The following C2orf81 variants were observed in gnomAD, a reference collection of about 807,000 sequenced individuals.
The protein encoded by C2orf81 is chromosome 2 open reading frame 81.
C2orf81 carries 5 observed loss-of-function variants against 7.9 expected under a neutral mutation model. That is an observed-to-expected ratio of 0.63 (90% CI 0.33 to 1.33). The LOEUF (loss-of-function observed/expected upper bound fraction) is 1.33. Among genes scored for constraint, C2orf81 ranks in the 40% most tolerant of loss-of-function variants. The pLI is 0.05. For synonymous variants in C2orf81, 346 were observed against 367.4 expected, an observed-to-expected ratio of 0.94 and a Z score of 0.66; for missense variants, 781 against 830.4, an observed-to-expected ratio of 0.94 and a Z score of 0.73.
chr2:74,415,452 T>C lies in C2orf81; in HGVS notation c.725A>G (p.Glu242Gly). ...GAGGCCTCTAGACTGGCCGTCCGCT[T>C]CCTCTACAGGACCTCCGGGCCCTGC... ...QEAGPGGPVE[E>G]ADGQSRGLSS... Residue 242 changes from glutamate to glycine, a missense_variant, in exon 3 of 3, where the codon GAA becomes GGA. Glu to Gly is a moderately conservative substitution (Grantham distance 98, BLOSUM62 -2). Transcript: ENST00000684111. The surrounding 1 kb of genome is among the most constrained non-coding windows in gnomAD (Gnocchi z 5.5). 10 of 1,534,664 alleles carry C rather than the reference T, an allele frequency of 6.5e-6. No individual in the cohort carries two copies. The highest frequency in any genetic ancestry group is 8.8e-6 in the Non-Finnish European group (10 of 1,134,930).
chr2:74,417,673 GC>G, intron 1 of C2orf81: 1 of 662,208 alleles, frequency 1.5e-6, no homozygotes, highest in Non-Finnish European at 2.3e-6. Context: ...AGTGGGGTGT[GC>G]CAGAATGGGG....
chr2:74,418,805 G>A (rs1428686814), intron 1 of C2orf81, among the ~76,000 whole-genome samples: 1 of 151,872 alleles, frequency 6.6e-6, no homozygotes, highest in African/African-American at 2.4e-5. Context: ...ATGCAAGTCT[G>A]TCTGACTCCA....
chr2:74,418,101 C>G, intron 1 of C2orf81: 2 of 697,706 alleles, frequency 2.9e-6, no homozygotes, highest in South Asian at 3.0e-5. Context: ...CAGATCAAAG[C>G]TGTCCAGTCC....
chr2:74,418,721 A>G (rs970750024), intron 1 of C2orf81, among the ~76,000 whole-genome samples: 1 of 151,268 alleles, frequency 6.6e-6, no homozygotes, highest in African/African-American at 2.4e-5. Context: ...TTAACCAACT[A>G]TTCTTATCTC....
At chr2:74,416,340 G>T in intron 1 of C2orf81, 99 bp from the exon 2 acceptor site, 1 of 795,472 alleles carries the variant, frequency 1.3e-6, no homozygotes, top group Non-Finnish European at 1.7e-6. Flanking sequence ...TGTCTAGTGG[G>T]AAGGAAAAGG....
Position 74,420,766 on chromosome 2 carries a change from CTTCTTCTTT to C in C2orf81, c.18+768_18+776del, listed in dbSNP as rs1351908409. Among the ~76,000 whole-genome samples, 42 of 131,452 alleles carry C rather than the reference CTTCTTCTTT, an allele frequency of 3.2e-4. 1 individual carries two copies. Among genetic ancestry groups the C allele is most frequent in the African/African-American group, 1.3e-3 (42 of 33,262 alleles). The allele number at this position is 131,452 out of a possible 152,430, so 86.2% of individuals were successfully genotyped here. On this transcript the variant is annotated intron_variant, in intron 1 of 2. Transcript: ENST00000684111. ...GCTCTTCAAATCCGTTTTCTTTCTT[CTTCTTCTTT>C]TTTTTTTTTTTTTTTTTTTTTTTTT...
At position 74,415,884 on chromosome 2, in the gene C2orf81, T is replaced by A. The variant is rs375582922; in HGVS notation, c.293A>T (p.Gln98Leu). ...GGCCAGGAAGCGCCACTCGGTGATC[T>A]GCAGCATGGCCTCCCGGGCCTGGCT... ...TISQAREAML[Q>L]ITEWRFLARD... The change falls in exon 3 of 3, where the codon CAG becomes CTG. Residue 98 changes from glutamine (Q) to leucine (L), a missense_variant. By Grantham distance (113) the Gln-to-Leu change is moderately radical. Coordinates refer to ENST00000684111, the MANE Select transcript of C2orf81 (RefSeq NM_001316764.3). This position sits in a 1 kb window ranked among gnomAD's most constrained non-coding sequence, Gnocchi z 5.5. 334 of 1,550,316 alleles carry A rather than the reference T, an allele frequency of 2.2e-4. No homozygotes were observed. Among genetic ancestry groups the A allele is most frequent in the Non-Finnish European group, 2.8e-4 (322 of 1,146,092 alleles).
At chr2:74,419,013 T>C (rs1676537335) in intron 1 of C2orf81, among the ~76,000 whole-genome samples, 1 of 151,876 alleles carries the variant, frequency 6.6e-6, no homozygotes, top group Non-Finnish European at 1.5e-5. Flanking sequence ...AAACCCCGTC[T>C]CTACTAATAA....
intron 1 of C2orf81, among the ~76,000 whole-genome samples, chr2:74,419,698 A>T (rs1333331349): frequency 6.6e-6 from 1 of 152,266 alleles, no homozygotes; most frequent in Non-Finnish European, 1.5e-5. Context: ...ACATGTCTTT[A>T]AAAAGAGAAT....
Position 74,416,138 on chromosome 2 carries a change from C to CG in C2orf81, c.121dup (p.Arg41ProfsTer4). On this transcript the variant is annotated frameshift_variant, in exon 2 of 3. Coordinates refer to ENST00000684111, the MANE Select transcript of C2orf81 (RefSeq NM_001316764.3). LOFTEE classifies it high-confidence loss of function. ...CGCCATCCACTCGGCCTCACTGAGC[C>CG]GCCCAGGCACAATATCCACCTGCGG... 6.6e-7 allele frequency: 1 copy of CG among 1,520,956 alleles called. No homozygotes were observed. The allele number at this position is 1,520,956 out of a possible 1,614,324, so 94.2% of individuals were successfully genotyped here.
Position 74,418,902 on chromosome 2 carries a change from C to G in C2orf81, c.18+2641G>C, listed in dbSNP as rs570676049. On this transcript the variant is annotated intron_variant, in intron 1 of 2. Transcript: ENST00000684111. ...AAGCTCATATAAAAAAAAAAATGGC[C>G]GGGCGCAGTGGCTCACGCCTGTAAT... Among the ~76,000 whole-genome samples the G allele has an allele frequency of 6.4e-4, 97 of 152,008 alleles. No individual in the cohort carries two copies. The South Asian group carries it at 0.018, about 29-fold the overall frequency.
chr2:74,415,416 C>A lies in C2orf81; in HGVS notation c.761G>T (p.Gly254Val). The A allele has an allele frequency of 6.5e-7, 1 of 1,530,158 alleles. No individual in the cohort carries two copies. Among genetic ancestry groups the A allele is most frequent in the Non-Finnish European group, 8.8e-7 (1 of 1,133,264 alleles). The allele number at this position is 1,530,158 out of a possible 1,614,324, so 94.8% of individuals were successfully genotyped here. Residue 254 changes from glycine (G) to valine (V), a missense_variant, in exon 3 of 3, where the codon GGG (glycine) becomes GTG (valine). Gly to Val is a moderately radical substitution (Grantham distance 109, BLOSUM62 -3). Transcript: ENST00000684111. The surrounding 1 kb of genome is among the most constrained non-coding windows in gnomAD (Gnocchi z 5.5). ...CAGTTGGAAGCTCGCGCTCAAGGAC[C>A]CGGCCGAGGAGAGGCCTCTAGACTG... ...DGQSRGLSSA[G>V]SLSASFQLSV... is the part of the protein sequence containing the mutation.
At chr2:74,417,996 TGAAGGTGCAGGTG>T (rs1306039691) in intron 1 of C2orf81, 1 of 459,686 alleles carries the variant, frequency 2.2e-6, no homozygotes, top group African/African-American at 2.1e-5. Context: ...AGTGTGGTGG[TGAAGGTGCAGGTG>T]GAAGATGAGG....
At position 74,415,826 on chromosome 2, in the gene C2orf81, G is replaced by A. The variant is rs1214272476; in HGVS notation, c.351C>T (p.Asp117=). 1.9e-6 allele frequency: 3 copies of A among 1,551,504 alleles called. No individual in the cohort carries two copies. Among genetic ancestry groups the A allele is most frequent in the African/African-American group, 2.7e-5 (2 of 73,070 alleles). ...GCTCCTCGTCCTCACCCCATGTGGGGTCCTCAGCTACTGCAGATTCTCCCT... is the reference window on the plus strand; with the variant it reads ...GCTCCTCGTCCTCACCCCATGTGGGATCCTCAGCTACTGCAGATTCTCCCT... ...RDEGESAVAE[D]PTWGEDEEPS... is the part of the protein sequence containing the mutation. The change falls in exon 3 of 3, where the codon GAC becomes GAT. Residue 117 remains aspartate (D), a synonymous_variant. Transcript: ENST00000684111. The surrounding 1 kb of genome is among the most constrained non-coding windows in gnomAD (Gnocchi z 5.5).
Position 74,416,207 on chromosome 2 carries a change from G to T in C2orf81, c.53C>A (p.Thr18Asn), listed in dbSNP as rs1212305733. 2.8e-6 allele frequency: 4 copies of T among 1,416,436 alleles called. No homozygotes were observed. The highest frequency in any genetic ancestry group is 7.0e-5 in the East Asian group (2 of 28,564). 87.7% of individuals were successfully genotyped at this position (1,416,436 alleles called of 1,614,324 possible). Residue 18 changes from threonine (T) to asparagine (N), a missense_variant, in exon 2 of 3, where the codon ACC becomes AAC. Transcript: ENST00000684111. The part of the protein sequence containing the change: ...QERQVRDRGV[T>N]RSKAEKVRPP... ...CCGCACTTTTTCCGCCTTGGACCGG[G>T]TCACCCCGCGGTCTCGGACCTGCCT...
intron 1 of C2orf81, chr2:74,418,528 C>A: frequency 1.1e-6 from 1 of 878,854 alleles, no homozygotes; most frequent in Non-Finnish European, 1.9e-6. Context: ...CTCCGGTTTG[C>A]CGGGAGCAGC....
In C2orf81 at chr2:74,415,421, C is replaced by A; in HGVS notation, c.756G>T (p.Ser252=). ...GGAAGCTCGCGCTCAAGGACCCGGC[C>A]GAGGAGAGGCCTCTAGACTGGCCGT... The part of the protein sequence containing the change: ...EADGQSRGLS[S]AGSLSASFQL... Residue 252 remains serine, a synonymous_variant, in exon 3 of 3, where the codon TCG becomes TCT. Transcript: ENST00000684111. The surrounding 1 kb of genome is among the most constrained non-coding windows in gnomAD (Gnocchi z 5.5). 6.5e-7 allele frequency: 1 copy of A among 1,531,292 alleles called. No individual in the cohort carries two copies. The highest frequency in any genetic ancestry group is 8.8e-7 in the Non-Finnish European group (1 of 1,133,858). 94.9% of individuals were successfully genotyped at this position (1,531,292 alleles called of 1,614,324 possible).
In C2orf81 at chr2:74,416,195, G is replaced by T. The variant is rs1455494976; in HGVS notation, c.65C>A (p.Ala22Glu). 2 of 1,438,244 alleles carry T rather than the reference G, an allele frequency of 1.4e-6. No homozygotes were observed. The highest frequency in any genetic ancestry group is 9.3e-7 in the Non-Finnish European group (1 of 1,077,512). 89.1% of individuals were successfully genotyped at this position (1,438,244 alleles called of 1,614,324 possible). A position where few individuals can be genotyped will look rare whatever the true frequency, so the allele number is the denominator to read the frequency against. Reference protein sequence around the residue: ...VRDRGVTRSKAEKVRPPTVPV... With the variant: ...VRDRGVTRSKEEKVRPPTVPV... ...CACAGTGGGCGGCCGCACTTTTTCC[G>T]CCTTGGACCGGGTCACCCCGCGGTC... The change falls in exon 2 of 3, where the codon GCG becomes GAG. Residue 22 changes from alanine (A) to glutamate (E), a missense_variant. By Grantham distance (107) the Ala-to-Glu change is moderately radical. Coordinates refer to ENST00000684111, the MANE Select transcript of C2orf81 (RefSeq NM_001316764.3).
chr2:74,416,795 TAG>T (rs1163638523), intron 1 of C2orf81, among the ~76,000 whole-genome samples: 1 of 152,170 alleles, frequency 6.6e-6, no homozygotes, highest in Non-Finnish European at 1.5e-5. Flanking sequence ...TGGTGCTATT[TAG>T]AGTCTTCTCT....
Sources: allele counts gnomAD v4.1 joint callset (sites outside exome capture counted in the v4.1 genomes callset), GRCh38; gene constraint gnomAD v4.1.1; non-coding constraint Gnocchi (gnomAD v3.1); transcripts MANE v1.5; gene names NCBI Gene and HGNC (gene_info 2026-07-23, HGNC 2026-07-21).